CIITA: variants seen among roughly 807,000 people sequenced by gnomAD.
CIITA encodes the protein class II major histocompatibility complex transactivator.
Under a neutral mutation model 115.1 loss-of-function variants are expected in CIITA, and 72 were observed. The observed-to-expected ratio is 0.63, with a 90% confidence interval of 0.52 to 0.76. CIITA has a LOEUF of 0.76. CIITA is among the 30% of genes least tolerant of loss of function. The pLI is 0.00. For missense variants in CIITA, 1,617 were observed against 1,463.8 expected (o/e 1.10, Z -1.71); for synonymous variants, 763 against 635.6 (o/e 1.20, Z -3.02).
chr16:10,916,527 T>A, intron 15 of CIITA, 68 bp downstream of exon 15: 1 of 1,382,614 alleles, frequency 7.2e-7, no homozygotes, highest in Non-Finnish European at 1.0e-6. Context: ...TTTTCAAAAT[T>A]AATTTAAATT....
chr16:10,868,571 C>G (rs1242797667), intron 1 of CIITA, among the ~76,000 whole-genome samples: 3 of 152,198 alleles, frequency 2.0e-5, no homozygotes, highest in Non-Finnish European at 4.4e-5. Flanking sequence ...AAACATTCTC[C>G]CTTGGCTTCT....
At chr16:10,866,889 C>G (rs1037172109) in intron 1 of CIITA, among the ~76,000 whole-genome samples, 1 of 152,228 alleles carries the variant, frequency 6.6e-6, no homozygotes, top group African/African-American at 2.4e-5. Flanking sequence ...CAGCTCCTGC[C>G]TTCAAAGGGG....
rs750587801 is a variant in CIITA at position 10,895,402 on chromosome 16, G to C, written c.173G>C (p.Gly58Ala). Reference sequence around the variant, plus strand: ...TTCTATGACCAGATGGACCTGGCTGGAGAAGAAGAGATTGAGCTCTACTCA... The same window carrying C: ...TTCTATGACCAGATGGACCTGGCTGCAGAAGAAGAGATTGAGCTCTACTCA... ...YHFYDQMDLAGEEEIELYSEP... is the reference protein window; with the variant it reads ...YHFYDQMDLAAEEEIELYSEP... Residue 58 changes from glycine to alanine, a missense_variant, in exon 2 of 20, where the codon GGA (glycine) becomes GCA (alanine). By Grantham distance (60) the Gly-to-Ala change is moderately conservative. Coordinates refer to ENST00000324288, the MANE Select transcript of CIITA (RefSeq NM_000246.4). 5 of 1,613,820 alleles carry C rather than the reference G, an allele frequency of 3.1e-6. No homozygotes were observed. In the African/African-American group the frequency reaches 4.0e-5, roughly 13 times the overall value.
chr16:10,932,660 C>CAG lies in CIITA; in HGVS notation c.*8806_*8807insGA, dbSNP rs1466701545. 3 of 148,484 alleles carry CAG rather than the reference C, an allele frequency of 2.0e-5. No homozygotes were observed. Among genetic ancestry groups the CAG allele is most frequent in the African/African-American group, 7.4e-5 (3 of 40,324 alleles). The allele number at this position is 148,484 out of a possible 1,614,324, so 9.2% of individuals were successfully genotyped here. A position where few individuals can be genotyped will look rare whatever the true frequency, so the allele number is the denominator to read the frequency against. ...AAAAAATAAAACAAAATCACACACA[C>CAG]ACACACAAAAAAACACAAACCAAAA... On this transcript the variant is annotated 3_prime_UTR_variant, in exon 20 of 20. Coordinates refer to ENST00000324288, the MANE Select transcript of CIITA (RefSeq NM_000246.4).
chr16:10,906,559 C>A lies in CIITA; in HGVS notation c.1067C>A (p.Pro356Gln). The change falls in exon 11 of 20, where the codon CCG becomes CAG. Residue 356 changes from proline (P) to glutamine (Q), a missense_variant. Transcript: ENST00000324288. Reference protein sequence around the residue: ...QDTYGAEPAGPDGILVEVDLV... With the variant: ...QDTYGAEPAGQDGILVEVDLV... ...ACGTATGGTGCCGAGCCCGCAGGCC[C>A]GGATGGCATCCTAGTGGAGGTGGAT... The A allele has an allele frequency of 6.2e-7, 1 of 1,613,132 alleles. No individual in the cohort carries two copies. The highest frequency in any genetic ancestry group is 8.5e-7 in the Non-Finnish European group (1 of 1,180,008).
At chr16:10,886,231 C>A (rs1230999486) in intron 1 of CIITA, among the ~76,000 whole-genome samples, 2 of 152,070 alleles carry the variant, frequency 1.3e-5, no homozygotes, top group African/African-American at 4.8e-5. Flanking sequence ...AGTCACCACG[C>A]CTGGCCACAG....
intron 1 of CIITA, among the ~76,000 whole-genome samples, chr16:10,882,774 G>A (rs2036556451): frequency 6.6e-6 from 1 of 151,928 alleles, no homozygotes; most frequent in African/African-American, 2.4e-5. Context: ...GTGCATGCCT[G>A]TAATCCCAGC....
chr16:10,887,244 G>T (rs898880796), intron 1 of CIITA, among the ~76,000 whole-genome samples: 1 of 151,344 alleles, frequency 6.6e-6, no homozygotes, highest in Non-Finnish European at 1.5e-5. Context: ...GGTTGGTGTT[G>T]GGGGGGGCCT....
At chr16:10,872,426 C>A (rs75070322), upstream of CIITA, among the ~76,000 whole-genome samples, 30 of 152,096 alleles carry the variant, frequency 2.0e-4, no homozygotes, top group Non-Finnish European at 3.8e-4. Flanking sequence ...CCCAGCCTCT[C>A]GCCCTGTCTT....
At chr16:10,908,853 T>G in intron 11 of CIITA, 176 bp from the exon 12 acceptor site, 88 of 847,930 alleles carry the variant, frequency 1.0e-4, no homozygotes, top group Non-Finnish European at 1.5e-4. Flanking sequence ...GTGTGAGTTG[T>G]GAGAAAGTAG....
intron 1 of CIITA, among the ~76,000 whole-genome samples, chr16:10,886,248 A>T (rs1429886305): frequency 6.6e-6 from 1 of 151,812 alleles, no homozygotes; most frequent in African/African-American, 2.4e-5. Flanking sequence ...ACAGTTTCTT[A>T]CTTTTGCATT....
intron 15 of CIITA, among the ~76,000 whole-genome samples, chr16:10,917,958 T>A (rs1415741659): frequency 6.6e-6 from 1 of 152,188 alleles, no homozygotes; most frequent in Non-Finnish European, 1.5e-5. Flanking sequence ...TAAGCTAGAT[T>A]TCTTCTCCTT....
At position 10,907,579 on chromosome 16, in the gene CIITA, A is replaced by G. The variant is rs886051642; in HGVS notation, c.2087A>G (p.Gln696Arg). 4 of 1,614,056 alleles carry G rather than the reference A, an allele frequency of 2.5e-6. No homozygotes were observed. In the East Asian group the frequency reaches 8.9e-5, roughly 36 times the overall value. Residue 696 changes from glutamine (Q) to arginine (R), a missense_variant, in exon 11 of 20, where the codon CAA (glutamine) becomes CGA (arginine). Transcript: ENST00000324288. This position sits in a 1 kb window ranked among gnomAD's most constrained non-coding sequence, Gnocchi z 5.0. Reference sequence around the variant, plus strand: ...TGGGCGATGGCCAAAGGCTTAGTCCAACACCCACCGCGGGCCGCAGAGTCC... The same window carrying G: ...TGGGCGATGGCCAAAGGCTTAGTCCGACACCCACCGCGGGCCGCAGAGTCC... ...RTWAMAKGLV[Q>R]HPPRAAESEL...
At chr16:10,869,400 A>G (rs888052246) in intron 1 of CIITA, among the ~76,000 whole-genome samples, 5 of 151,862 alleles carry the variant, frequency 3.3e-5, no homozygotes, top group Non-Finnish European at 5.9e-5. Context: ...TTCTTGGTCA[A>G]CCTCCTAAAT....
chr16:10,919,697 A>G (rs190816691), intron 16 of CIITA, among the ~76,000 whole-genome samples: 149 of 152,188 alleles, frequency 9.8e-4, no homozygotes, highest in Middle Eastern at 3.4e-3. Flanking sequence ...TCACTGTTTT[A>G]CAATATTTTA....
At chr16:10,938,994 G>A (rs2041065837), downstream of CIITA, 2 of 152,314 alleles carry the variant, frequency 1.3e-5, no homozygotes, top group East Asian at 1.9e-4. The surrounding 1 kb of genome is among the most constrained non-coding windows in gnomAD (Gnocchi z 4.9). Flanking sequence ...AAAGTCAAAT[G>A]CTTGGCTTGG....
intron 1 of CIITA, among the ~76,000 whole-genome samples, chr16:10,872,124 AT>A (rs953017413): frequency 1.3e-5 from 2 of 148,428 alleles, no homozygotes; most frequent in African/African-American, 2.5e-5. Context: ...CTTTTTTTTA[AT>A]TTTTTTTGGG....
chr16:10,866,558 A>T (rs1316293792), intron 1 of CIITA: 1 of 544,656 alleles, frequency 1.8e-6, no homozygotes, highest in Non-Finnish European at 3.6e-6. Flanking sequence ...GGCCCCGGCC[A>T]CAGTGACCAT....
chr16:10,914,412 C>T (rs1476000355), intron 13 of CIITA, among the ~76,000 whole-genome samples: 5 of 152,074 alleles, frequency 3.3e-5, no homozygotes, highest in Non-Finnish European at 7.4e-5. Flanking sequence ...TTCGAGTGAC[C>T]GTGCGCGGTT....
Sources: allele counts gnomAD v4.1 joint callset (sites outside exome capture counted in the v4.1 genomes callset), GRCh38; gene constraint gnomAD v4.1.1; non-coding constraint Gnocchi (gnomAD v3.1); transcripts MANE v1.5; gene names NCBI Gene and HGNC (gene_info 2026-07-23, HGNC 2026-07-21).